CNKSR2: variants seen among roughly 807,000 people sequenced by gnomAD.
CNKSR2 encodes CNK homolog protein 2.
Under a neutral mutation model 84.4 loss-of-function variants are expected in CNKSR2, and 14 were observed. The ratio of observed to expected loss-of-function variants is 0.17; its 90% CI spans 0.11 to 0.26. CNKSR2 has a LOEUF of 0.26. Among genes scored for constraint, CNKSR2 ranks in the 10% least tolerant of loss-of-function variants. The pLI, the probability that CNKSR2 is intolerant of heterozygous loss-of-function variation, is 1.00. For missense variants in CNKSR2, 485 were observed against 771.2 expected (o/e 0.63, Z 4.40); for synonymous variants, 275 against 277.9 (o/e 0.99, Z 0.10).
At chrX:21,557,809 A>G (rs771480514) in intron 11 of CNKSR2, among the ~76,000 whole-genome samples, 3 of 111,483 alleles carry the variant, frequency 2.7e-5, no homozygotes, top group Admixed American at 9.5e-5. Context: ...AAGTACTACT[A>G]TGTAAAGATA....
intron 11 of CNKSR2, among the ~76,000 whole-genome samples, chrX:21,535,724 G>A (rs749046334): frequency 3.6e-5 from 4 of 110,860 alleles, no homozygotes; most frequent in Non-Finnish European, 7.6e-5. Context: ...TTTGTATACT[G>A]CAACTTTATT....
At chrX:21,516,436 T>C (rs1259341374) in intron 8 of CNKSR2, 49 bp from the exon 9 acceptor site, 25 of 1,162,233 alleles carry the variant, frequency 2.2e-5, no homozygotes, top group Non-Finnish European at 2.4e-5. Context: ...ACATTAAATC[T>C]TTGAATACTG....
intron 11 of CNKSR2, among the ~76,000 whole-genome samples, chrX:21,545,561 G>A (rs939377634): frequency 2.7e-5 from 3 of 112,184 alleles, no homozygotes; most frequent in Non-Finnish European, 5.6e-5. Flanking sequence ...CACAGCGCTC[G>A]AGCTCAGCTA....
intron 5 of CNKSR2, among the ~76,000 whole-genome samples, chrX:21,472,279 T>C (rs1033528158): frequency 8.0e-5 from 9 of 112,265 alleles, no homozygotes; most frequent in Non-Finnish European, 1.5e-4. Flanking sequence ...TTCTGAAGTA[T>C]TGAATTTACT....
chrX:21,489,033 G>T (rs2091415038), intron 5 of CNKSR2, among the ~76,000 whole-genome samples: 1 of 111,337 alleles, frequency 9.0e-6, no homozygotes, highest in African/African-American at 3.3e-5. Flanking sequence ...ACTAAATTTT[G>T]TATTCAGTGG....
chrX:21,497,246 CTT>C (rs1386018769), intron 6 of CNKSR2, among the ~76,000 whole-genome samples: 1 of 110,799 alleles, frequency 9.0e-6, no homozygotes, highest in Admixed American at 9.6e-5. Context: ...ATTAGTAAAA[CTT>C]TATCAATAAG....
chrX:21,606,758 T>A, intron 18 of CNKSR2, 21 bp from the exon 19 acceptor site: 1 of 956,495 alleles, frequency 1.0e-6, no homozygotes, highest in Non-Finnish European at 1.5e-6. Context: ...TGTTGACGTA[T>A]CCATGTCTGT....
At chrX:21,391,221 C>G (rs2090045751) in intron 1 of CNKSR2, among the ~76,000 whole-genome samples, 1 of 112,688 alleles carries the variant, frequency 8.9e-6, no homozygotes, top group Admixed American at 9.3e-5. Context: ...TGGTGGTCCT[C>G]TTCTCACAGC....
intron 11 of CNKSR2, among the ~76,000 whole-genome samples, chrX:21,553,480 TG>T (rs2092111488): frequency 9.8e-6 from 1 of 101,645 alleles, no homozygotes; most frequent in African/African-American, 4.4e-5. Flanking sequence ...ATTTTTGTTC[TG>T]TGAATGTGTC....
chrX:21,489,527 A>G (rs780830735), intron 5 of CNKSR2, among the ~76,000 whole-genome samples: 16 of 111,896 alleles, frequency 1.4e-4, no homozygotes, highest in Middle Eastern at 9.2e-3. Flanking sequence ...GAGGGCCAGC[A>G]TATTTTAGGG....
intron 7 of CNKSR2, among the ~76,000 whole-genome samples, chrX:21,499,334 G>C (rs1449114156): frequency 1.8e-5 from 2 of 111,647 alleles, no homozygotes; most frequent in Non-Finnish European, 3.8e-5. Flanking sequence ...GGCGTGGAGA[G>C]CATGTGGGGG....
chrX:21,395,820 G>GT (rs972976201), intron 1 of CNKSR2, among the ~76,000 whole-genome samples: 24 of 111,273 alleles, frequency 2.2e-4, no homozygotes, highest in Non-Finnish European at 3.8e-4. Context: ...TTCAGTTTAA[G>GT]TTTTTTTCTA....
intron 20 of CNKSR2, among the ~76,000 whole-genome samples, chrX:21,615,796 A>G (rs1032914413): frequency 3.6e-5 from 4 of 111,628 alleles, no homozygotes; most frequent in Non-Finnish European, 1.9e-5. Flanking sequence ...TACATGTCCT[A>G]TCTTTGTTCA....
rs1267533766 is a variant in CNKSR2, at chrX:21,595,066, G to T, written c.1904+19G>T. 2.7e-6 allele frequency: 3 copies of T among 1,117,215 alleles called. No homozygotes were observed. The highest frequency in any genetic ancestry group is 2.3e-5 in the Admixed American group (1 of 44,163). 92.1% of individuals were successfully genotyped at this position (1,117,215 alleles called of 1,213,427 possible). On this transcript the variant is annotated intron_variant, in intron 16 of 21. Transcript: ENST00000379510. ...AAAAATAGTAAGTTGATTTTATTTG[G>T]GAAGAGGGAACGATAGTTTTTTTTT...
intron 8 of CNKSR2, among the ~76,000 whole-genome samples, chrX:21,514,509 A>C (rs927699578): frequency 3.6e-5 from 4 of 111,945 alleles, no homozygotes; most frequent in African/African-American, 1.3e-4. Flanking sequence ...TGGAATTGTT[A>C]CTTAAAAAGA....
At chrX:21,604,897 A>G (rs2092507295) in intron 18 of CNKSR2, among the ~76,000 whole-genome samples, 1 of 111,743 alleles carries the variant, frequency 8.9e-6, no homozygotes, top group South Asian at 3.8e-4. Flanking sequence ...GAAAAACTTT[A>G]TGTCTAAGAA....
chrX:21,402,042 CAAATT>C (rs1289845285), intron 1 of CNKSR2, among the ~76,000 whole-genome samples: 1 of 111,255 alleles, frequency 9.0e-6, no homozygotes, highest in African/African-American at 3.3e-5. Flanking sequence ...TATGGTCTCT[CAAATT>C]AAATAAGAAC....
intron 8 of CNKSR2, among the ~76,000 whole-genome samples, chrX:21,515,866 C>T (rs779108220): frequency 8.9e-6 from 1 of 111,986 alleles, no homozygotes; most frequent in Non-Finnish European, 1.9e-5. Context: ...GTTTGGAACA[C>T]ATTCCAATAG....
chrX:21,550,651 A>T (rs1489838268), intron 11 of CNKSR2, among the ~76,000 whole-genome samples: 1 of 112,419 alleles, frequency 8.9e-6, no homozygotes. Flanking sequence ...CCAATAGCAA[A>T]GACTTGGAAC....
Sources: gnomAD v4.1 joint callset for allele counts (sites outside exome capture counted in the v4.1 genomes callset) on GRCh38, gnomAD v4.1.1 for gene constraint, MANE v1.5 for transcripts, NCBI Gene and HGNC (gene_info 2026-07-23, HGNC 2026-07-21) for gene names.